Variants in TIMP2 observed in about 807,000 individuals in gnomAD.
TIMP2 encodes the protein metalloproteinase inhibitor 2.
Under a neutral mutation model 24.3 loss-of-function variants are expected in TIMP2, and 5 were observed. The observed-to-expected ratio is 0.21, with a 90% CI of 0.11 to 0.43. The LOEUF (loss-of-function observed/expected upper bound fraction) is 0.43. Among genes scored for constraint, TIMP2 ranks in the 20% least tolerant of loss-of-function variants. TIMP2 has a pLI of 1.00. For missense variants in TIMP2, 221 were observed against 297.5 expected, an observed-to-expected ratio of 0.74 and a Z score of 1.89; for synonymous variants, 130 against 123.2, an observed-to-expected ratio of 1.06 and a Z score of -0.37.
At chr17:78,866,019 C>T (rs983076939) in intron 3 of TIMP2, among the ~76,000 whole-genome samples, 1 of 151,838 alleles carries the variant, frequency 6.6e-6, no homozygotes, top group Non-Finnish European at 1.5e-5. Flanking sequence ...AAACAGGATG[C>T]AGAAAACTGG....
intron 4 of TIMP2, 98 bp downstream of exon 4, chr17:78,857,424 G>C: frequency 6.6e-7 from 1 of 1,515,988 alleles, no homozygotes; most frequent in Non-Finnish European, 9.1e-7. Flanking sequence ...AGGAGCCGGG[G>C]ATTAACGGGT....
At position 78,918,143 on chromosome 17, in the gene TIMP2, G is replaced by A. The variant is rs146963417; in HGVS notation, c.130+6816C>T. Among the ~76,000 whole-genome samples, 375 of 151,106 alleles carry A rather than the reference G, an allele frequency of 2.5e-3. 1 individual carries two copies. Among genetic ancestry groups the A allele is most frequent in the Middle Eastern group, 0.01 (3 of 294 alleles). ...CGGGCTTGTGACCACCCCCAAACCC[G>A]CCAGGCCTATCTCTGGCTGGGTGTT... On this transcript the variant is annotated intron_variant, in intron 1 of 4. Transcript: ENST00000262768.
At chr17:78,878,583 T>G (rs1048571845) in intron 1 of TIMP2, among the ~76,000 whole-genome samples, 34 of 152,158 alleles carry the variant, frequency 2.2e-4, no homozygotes, top group African/African-American at 7.7e-4. Flanking sequence ...TAGCTTTGCC[T>G]GGGGGCTGCA....
intron 3 of TIMP2, among the ~76,000 whole-genome samples, chr17:78,859,820 C>T (rs547325101): frequency 2.6e-5 from 4 of 151,890 alleles, no homozygotes; most frequent in African/African-American, 7.2e-5. Flanking sequence ...GGTGAAACCC[C>T]GTCTCTACTA....
chr17:78,875,670 CAG>C (rs1454688982), intron 1 of TIMP2, among the ~76,000 whole-genome samples: 1 of 152,140 alleles, frequency 6.6e-6, no homozygotes, highest in Non-Finnish European at 1.5e-5. Context: ...ATGAGCAAAA[CAG>C]AGAGGTAAGG....
At position 78,855,315 on chromosome 17, in the gene TIMP2, C is replaced by T. The variant is rs2069516297; in HGVS notation, c.*352G>A. ...CAAAATGCACATTTCCAGGCCCTGC[C>T]CTAACCCAGCTGGGAGATCCCTAAG... On this transcript the variant is annotated 3_prime_UTR_variant, in exon 5 of 5. Coordinates refer to ENST00000262768, the MANE Select transcript of TIMP2 (RefSeq NM_003255.5). This position sits in a 1 kb window ranked among gnomAD's most constrained non-coding sequence, Gnocchi z 6.0. 2 of 360,054 alleles carry T rather than the reference C, an allele frequency of 5.6e-6. No homozygotes were observed. The highest frequency in any genetic ancestry group is 5.9e-5 in the South Asian group (2 of 33,788). The allele number at this position is 360,054 out of a possible 1,614,324, so 22.3% of individuals were successfully genotyped here. A position where few individuals can be genotyped will look rare whatever the true frequency, so the allele number is the denominator to read the frequency against.
chr17:78,913,934 A>G (rs925741747), intron 1 of TIMP2, among the ~76,000 whole-genome samples: 1 of 151,482 alleles, frequency 6.6e-6, no homozygotes, highest in Admixed American at 6.6e-5. Context: ...CAATGGATAC[A>G]ATCAGGATGA....
At position 78,891,784 on chromosome 17, in the gene TIMP2, G is replaced by T; in HGVS notation, c.131-17865C>A. On this transcript the variant is annotated intron_variant, in intron 1 of 4. Transcript: ENST00000262768. The surrounding 1 kb of genome is among the most constrained non-coding windows in gnomAD (Gnocchi z 4.5). ...CCGCCCCTTTGCTCCTCCGAGGATG[G>T]ATGGCACAGCGGCCACCCCCAGACT... is the stretch of plus-strand genomic sequence containing the variant. The T allele has an allele frequency of 6.4e-7, 1 of 1,551,152 alleles. No homozygotes were observed. Among genetic ancestry groups the T allele is most frequent in the East Asian group, 2.4e-5 (1 of 40,916 alleles).
intron 1 of TIMP2, chr17:78,902,660 A>C (rs1024165708): frequency 6.6e-6 from 1 of 152,284 alleles, no homozygotes; most frequent in African/African-American, 2.4e-5. Flanking sequence ...ACACTGAGGC[A>C]GACTGACCTC....
chr17:78,892,514 C>A, intron 1 of TIMP2: 1 of 1,493,276 alleles, frequency 6.7e-7, no homozygotes, highest in Admixed American at 2.3e-5. Flanking sequence ...GGAGAGTGAG[C>A]AAAGCCCTGG....
At chr17:78,888,231 C>T (rs1488124603) in intron 1 of TIMP2, among the ~76,000 whole-genome samples, 1 of 150,960 alleles carries the variant, frequency 6.6e-6, no homozygotes, top group African/African-American at 2.4e-5. Flanking sequence ...GCAATCTTGG[C>T]TCACTGCAAC....
chr17:78,867,772 TG>T (rs986021319), intron 3 of TIMP2, among the ~76,000 whole-genome samples: 6 of 151,712 alleles, frequency 4.0e-5, no homozygotes, highest in African/African-American at 1.5e-4. Flanking sequence ...ATTTTTTTTT[TG>T]TATTTTCAGT....
intron 3 of TIMP2, among the ~76,000 whole-genome samples, chr17:78,868,831 T>C (rs2069642090): frequency 1.3e-5 from 2 of 152,154 alleles, no homozygotes; most frequent in Admixed American, 6.5e-5. Flanking sequence ...AGAAAGCTCT[T>C]TGAGCCCAGT....
chr17:78,863,142 A>G (rs1368192340), intron 3 of TIMP2, among the ~76,000 whole-genome samples: 1 of 152,258 alleles, frequency 6.6e-6, no homozygotes, highest in Non-Finnish European at 1.5e-5. Flanking sequence ...TGTGCCCCAC[A>G]GTGGGTGAAC....
At position 78,873,861 on chromosome 17, in the gene TIMP2, G is replaced by A. The variant is rs1460164798; in HGVS notation, c.189C>T (p.Gly63=). ...KEVDSGNDIY[G]NPIKRIQYEI... ...CATACTGGATCCTCTTGATAGGGTTGCCATAAATGTCGTTTCCAGAGTCCA... is the reference window on the plus strand; with the variant it reads ...CATACTGGATCCTCTTGATAGGGTTACCATAAATGTCGTTTCCAGAGTCCA... Residue 63 remains glycine, a synonymous_variant, in exon 2 of 5, where the codon GGC becomes GGT. Coordinates refer to ENST00000262768, the MANE Select transcript of TIMP2 (RefSeq NM_003255.5). 4 of 1,613,284 alleles carry A rather than the reference G, an allele frequency of 2.5e-6. No individual in the cohort carries two copies. Among genetic ancestry groups the A allele is most frequent in the Middle Eastern group, 3.3e-4 (2 of 6,062 alleles).
At chr17:78,871,032 T>G in intron 2 of TIMP2, 26 bp from the exon 3 acceptor site, 1 of 1,591,402 alleles carries the variant, frequency 6.3e-7, no homozygotes, top group South Asian at 1.1e-5. Context: ...GGAGGACATG[T>G]AAGCAGAGGG....
intron 1 of TIMP2, among the ~76,000 whole-genome samples, chr17:78,876,496 C>T (rs1056924851): frequency 6.6e-6 from 1 of 151,924 alleles, no homozygotes; most frequent in Middle Eastern, 3.2e-3. Context: ...TACAGGTGGG[C>T]ACCACCATGC....
At chr17:78,912,785 T>C (rs1203234130) in intron 1 of TIMP2, among the ~76,000 whole-genome samples, 1 of 152,236 alleles carries the variant, frequency 6.6e-6, no homozygotes, top group Non-Finnish European at 1.5e-5. Flanking sequence ...AACAGCCAGC[T>C]GGTAAGTAAT....
At position 78,891,200 on chromosome 17, in the gene TIMP2, T is replaced by C. The variant is rs756766252; in HGVS notation, c.131-17281A>G. 1.9e-6 allele frequency: 3 copies of C among 1,550,678 alleles called. No individual in the cohort carries two copies. Among genetic ancestry groups the C allele is most frequent in the South Asian group, 2.4e-5 (2 of 84,064 alleles). ...AAACGTGGGCTTGACCGTGCCCTGA[T>C]ATTTTTGGTTCTGGGCCTTGCCCAT... On this transcript the variant is annotated intron_variant, in intron 1 of 4. Transcript: ENST00000262768. This position sits in a 1 kb window ranked among gnomAD's most constrained non-coding sequence, Gnocchi z 4.5.
Sources: allele counts gnomAD v4.1 joint callset (sites outside exome capture counted in the v4.1 genomes callset), GRCh38; gene constraint gnomAD v4.1.1; non-coding constraint Gnocchi (gnomAD v3.1); transcripts MANE v1.5; gene names NCBI Gene and HGNC (gene_info 2026-07-23, HGNC 2026-07-21).